NEK11: variants seen among roughly 807,000 people sequenced by gnomAD.
The protein encoded by NEK11 is NIMA related kinase 11, also known as serine/threonine-protein kinase Nek11.
NEK11 carries 72 observed loss-of-function variants against 80.7 expected under a neutral mutation model. The ratio of observed to expected loss-of-function variants is 0.89; its 90% CI spans 0.74 to 1.08. The LOEUF (loss-of-function observed/expected upper bound fraction) is 1.08, where lower values mean the gene tolerates loss of function less well. NEK11 is among the 50% of genes least tolerant of loss of function. NEK11 has a pLI of 0.00. For missense variants in NEK11, 764 were observed against 763.6 expected, an observed-to-expected ratio of 1.00 and a Z score of -0.01; for synonymous variants, 251 against 260.7, an observed-to-expected ratio of 0.96 and a Z score of 0.36.
At chr3:131,283,138 T>G (rs750741624) in intron 17 of NEK11, among the ~76,000 whole-genome samples, 2 of 152,080 alleles carry the variant, frequency 1.3e-5, no homozygotes, top group African/African-American at 2.4e-5. Flanking sequence ...CAAATAGAAG[T>G]GTAGTTAATT....
rs527512314 is a variant in NEK11, at chr3:131,132,954, T to A, written c.520+145T>A. ...TTCTCAAATTTTTAAGTACATGTGC[T>A]GCTGAAATGAACACTAAATTTCTCA... On this transcript the variant is annotated intron_variant, in intron 6 of 17. Coordinates refer to ENST00000383366, the MANE Select transcript of NEK11 (RefSeq NM_024800.5). 3.3e-4 allele frequency: 173 copies of A among 521,742 alleles called. 1 individual carries two copies. The highest frequency in any genetic ancestry group is 3.0e-3 in the South Asian group (129 of 42,634). 32.3% of individuals were successfully genotyped at this position (521,742 alleles called of 1,614,324 possible).
At chr3:131,148,983 TG>T (rs1456314397) in intron 7 of NEK11, among the ~76,000 whole-genome samples, 1 of 152,058 alleles carries the variant, frequency 6.6e-6, no homozygotes, top group Non-Finnish European at 1.5e-5. Flanking sequence ...ATCATTTCTT[TG>T]TGTTGGGAAC....
intron 4 of NEK11, among the ~76,000 whole-genome samples, chr3:131,100,712 T>G (rs924074083): frequency 2.0e-5 from 3 of 152,194 alleles, no homozygotes. Flanking sequence ...CCTTTTTCGT[T>G]GCATCTTTGC....
intron 5 of NEK11, among the ~76,000 whole-genome samples, chr3:131,126,292 C>T (rs1578712903): frequency 6.6e-6 from 1 of 152,286 alleles, no homozygotes; most frequent in African/African-American, 2.4e-5. Context: ...CTTCTTCTTC[C>T]ACCCCATGTC....
At chr3:131,230,372 C>T (rs1327400397) in intron 15 of NEK11, among the ~76,000 whole-genome samples, 2 of 152,134 alleles carry the variant, frequency 1.3e-5, no homozygotes, top group African/African-American at 4.8e-5. Context: ...CTGAACTTCA[C>T]TGTGCCTCAG....
At chr3:131,290,727 C>G (rs1561397745) in intron 17 of NEK11, among the ~76,000 whole-genome samples, 5 of 152,204 alleles carry the variant, frequency 3.3e-5, no homozygotes, top group African/African-American at 1.2e-4. Context: ...ATGCCAAACT[C>G]TGTAAGATCA....
intron 14 of NEK11, among the ~76,000 whole-genome samples, chr3:131,198,879 T>C (rs1316436434): frequency 6.6e-6 from 1 of 152,234 alleles, no homozygotes; most frequent in Non-Finnish European, 1.5e-5. Context: ...GTTCTGGCTA[T>C]TTCGCCGTAC....
intron 15 of NEK11, among the ~76,000 whole-genome samples, chr3:131,240,103 T>G (rs1000490699): frequency 6.6e-6 from 1 of 152,162 alleles, no homozygotes; most frequent in Non-Finnish European, 1.5e-5. Context: ...TTTTTCCCTT[T>G]AACTCATTTA....
chr3:131,346,255 CATTTT>C (rs1387736699), intron 17 of NEK11, among the ~76,000 whole-genome samples: 1 of 151,968 alleles, frequency 6.6e-6, no homozygotes, highest in East Asian at 1.9e-4. Flanking sequence ...CTATAGTAAC[CATTTT>C]ATTATCTATA....
chr3:131,093,516 T>C (rs911717036), intron 4 of NEK11, among the ~76,000 whole-genome samples: 17 of 152,214 alleles, frequency 1.1e-4, no homozygotes, highest in Middle Eastern at 3.4e-3. Context: ...CTCCGCCTCC[T>C]CAGCTCAAGC....
rs1342528377 is a variant in NEK11 at position 131,145,765 on chromosome 3, T to C, written c.648-6623T>C. 2.0e-5 allele frequency among the ~76,000 whole-genome samples: 3 copies of C among 152,076 alleles called. 1 individual carries two copies. Among genetic ancestry groups the C allele is most frequent in the Admixed American group, 6.5e-5 (1 of 15,274 alleles). On this transcript the variant is annotated intron_variant, in intron 7 of 17. Transcript: ENST00000383366. ...GGGCTACAATCCCAGCTTTATGACC[T>C]ACTCAGTATGGAACCTTGAACAATT...
chr3:131,174,631 G>A (rs976845825), intron 14 of NEK11: 35 of 926,122 alleles, frequency 3.8e-5, no homozygotes, highest in Non-Finnish European at 5.1e-5. Flanking sequence ...ATAACCAAAT[G>A]AGAAAGTACA....
At chr3:131,339,873 GA>G (rs2097259097) in intron 17 of NEK11, among the ~76,000 whole-genome samples, 1 of 152,126 alleles carries the variant, frequency 6.6e-6, no homozygotes, top group African/African-American at 2.4e-5. Flanking sequence ...CCAAGATAAT[GA>G]AAGACACTAC....
chr3:131,211,834 C>G (rs528333677), intron 14 of NEK11, among the ~76,000 whole-genome samples: 1 of 152,222 alleles, frequency 6.6e-6, no homozygotes, highest in South Asian at 2.1e-4. Context: ...CGTTTAATGT[C>G]TTCTCTACAC....
intron 14 of NEK11, among the ~76,000 whole-genome samples, chr3:131,213,682 G>A (rs2094712398): frequency 6.6e-6 from 1 of 152,090 alleles, no homozygotes; most frequent in Admixed American, 6.6e-5. Context: ...GTGGTTTGTG[G>A]ACTAGCAGCA....
At chr3:131,133,455 A>G (rs2084929836) in intron 6 of NEK11, 2 of 290,640 alleles carry the variant, frequency 6.9e-6, no homozygotes, top group Non-Finnish European at 1.3e-5. Context: ...AAATTTAAGA[A>G]CAAATTCTTC....
chr3:131,194,169 A>G (rs1297671930), intron 14 of NEK11, among the ~76,000 whole-genome samples: 1 of 152,230 alleles, frequency 6.6e-6, no homozygotes, highest in East Asian at 1.9e-4. Flanking sequence ...AATTGCAAGT[A>G]TAGTTTTATT....
chr3:131,043,794 C>G (rs2066906113), intron 3 of NEK11, among the ~76,000 whole-genome samples: 1 of 152,142 alleles, frequency 6.6e-6, no homozygotes, highest in Non-Finnish European at 1.5e-5. Context: ...AGAAGACCAA[C>G]CCCAAGACAC....
intron 14 of NEK11, among the ~76,000 whole-genome samples, chr3:131,176,537 G>T (rs2093026283): frequency 6.6e-6 from 1 of 152,176 alleles, no homozygotes; most frequent in Non-Finnish European, 1.5e-5. Flanking sequence ...TAATTAGAAT[G>T]AATCTAATAC....
Sources: gnomAD v4.1 joint callset for allele counts (sites outside exome capture counted in the v4.1 genomes callset) on GRCh38, gnomAD v4.1.1 for gene constraint, MANE v1.5 for transcripts, NCBI Gene and HGNC (gene_info 2026-07-23, HGNC 2026-07-21) for gene names.